The following NXN variants were observed in gnomAD, a reference collection of about 807,000 sequenced individuals.
The protein encoded by NXN is nucleoredoxin, also known as nucleoredoxin 1.
In NXN, 16 loss-of-function variants were observed where a neutral mutation model predicts 48.6. The ratio of observed to expected loss-of-function variants is 0.33; its 90% CI spans 0.22 to 0.50. NXN has a LOEUF of 0.50. Among genes scored for constraint, NXN ranks in the 20% least tolerant of loss-of-function variants. The pLI is 0.98. For missense variants in NXN, 492 were observed against 605.5 expected (o/e 0.81, Z 1.97); for synonymous variants, 281 against 269.6 (o/e 1.04, Z -0.41).
chr17:896,092 T>C (rs1389530789), intron 1 of NXN, among the ~76,000 whole-genome samples: 2 of 150,866 alleles, frequency 1.3e-5, no homozygotes, highest in Non-Finnish European at 3.0e-5. Flanking sequence ...GTAATCCCAG[T>C]ACTTTGGGAG....
intron 5 of NXN, among the ~76,000 whole-genome samples, chr17:806,770 C>T (rs1395812148): frequency 6.6e-6 from 1 of 152,156 alleles, no homozygotes; most frequent in Non-Finnish European, 1.5e-5. Flanking sequence ...CCTGCTGCGG[C>T]CACCAGCACC....
In NXN at chr17:823,725, G is replaced by A; in HGVS notation, c.519C>T (p.Val173=). The A allele has an allele frequency of 2.5e-6, 4 of 1,614,160 alleles. No individual in the cohort carries two copies. The highest frequency in any genetic ancestry group is 3.4e-6 in the Non-Finnish European group (4 of 1,180,024). The change falls in exon 3 of 8, where the codon GTC becomes GTT. Residue 173 remains valine (V), a synonymous_variant. Transcript: ENST00000336868. ...TGTTTCTAAGCAAGGGCCCTGCAAT[G>A]ACTTCCCTGAAGGGTTTCGGTCCCC... ...FPWGPKPFRE[V]IAGPLLRNNG... is the part of the protein sequence containing the mutation.
chr17:881,754 T>C (rs1172734393), intron 1 of NXN, among the ~76,000 whole-genome samples: 12 of 152,182 alleles, frequency 7.9e-5, no homozygotes, highest in Admixed American at 7.9e-4. Flanking sequence ...GACAAGATGC[T>C]CGTCCAATGG....
At chr17:807,944 C>T (rs1032711117) in intron 5 of NXN, among the ~76,000 whole-genome samples, 67 of 152,192 alleles carry the variant, frequency 4.4e-4, no homozygotes, top group African/African-American at 1.5e-3. Context: ...CGGGCAGCAT[C>T]AGGATCCCCC....
chr17:860,229 T>G (rs1264186130), intron 1 of NXN, among the ~76,000 whole-genome samples: 1 of 152,280 alleles, frequency 6.6e-6, no homozygotes, highest in Non-Finnish European at 1.5e-5. Flanking sequence ...GTTCAAGTGA[T>G]TCTCCTGCCT....
At chr17:891,859 A>T (rs1454904707) in intron 1 of NXN, among the ~76,000 whole-genome samples, 13,475 of 130,560 alleles carry the variant, frequency 0.1, 9 homozygotes, top group Non-Finnish European at 0.12. Context: ...GTACAGCCCA[A>T]CAGGGAACCT....
At chr17:959,232 C>T (rs910172453) in intron 1 of NXN, 33 of 975,560 alleles carry the variant, frequency 3.4e-5, no homozygotes, top group Middle Eastern at 7.8e-4. Context: ...CCTGCAGATA[C>T]CCCAGCTCCC....
intron 3 of NXN, among the ~76,000 whole-genome samples, chr17:823,273 C>A (rs1275846508): frequency 6.6e-6 from 1 of 151,904 alleles, no homozygotes; most frequent in Non-Finnish European, 1.5e-5. Context: ...GTGGCATGCA[C>A]CTGTAATCCC....
chr17:923,969 AGAAAG>A (rs1362499883), intron 1 of NXN, among the ~76,000 whole-genome samples: 6 of 152,232 alleles, frequency 3.9e-5, no homozygotes, highest in Non-Finnish European at 8.8e-5. Flanking sequence ...ATTTTACAGA[AGAAAG>A]GAAAGATATA....
rs1344897662 is a variant in NXN at position 810,161 on chromosome 17, CGTTACGAGTCTGTGACTGGCGTGCAT to C, written c.821-4940_821-4915del. ...GTTACGAGTCTGTGACTGGCGTGCA[CGTTACGAGTCTGTGACTGGCGTGCAT>C]GTTACGAGTCTGTGAGTGGCGTGCA... is the stretch of plus-strand genomic sequence containing the variant. On this transcript the variant is annotated intron_variant, in intron 5 of 7. Coordinates refer to ENST00000336868, the MANE Select transcript of NXN (RefSeq NM_022463.5). Among the ~76,000 whole-genome samples the C allele has an allele frequency of 4.4e-3, 453 of 102,142 alleles. 22 individuals are homozygous for C. The highest frequency in any genetic ancestry group is 0.013 in the African/African-American group (316 of 25,198). 67.0% of individuals were successfully genotyped at this position (102,142 alleles called of 152,430 possible).
chr17:913,716 C>T (rs1173014963), intron 1 of NXN, among the ~76,000 whole-genome samples: 1 of 152,086 alleles, frequency 6.6e-6, no homozygotes, highest in East Asian at 1.9e-4. Flanking sequence ...TGACTTTTCT[C>T]TCCTGGCACC....
intron 1 of NXN, among the ~76,000 whole-genome samples, chr17:878,584 GAGGGCTGGCCCATAGGGC>G (rs2068247126): frequency 6.6e-6 from 1 of 151,852 alleles, no homozygotes; most frequent in Non-Finnish European, 1.5e-5. Context: ...CACCCGTAAT[GAGGGCTGGCCCATAGGGC>G]AGTGACGTGA....
chr17:934,131 G>A (rs745952567), intron 1 of NXN, among the ~76,000 whole-genome samples: 13 of 152,198 alleles, frequency 8.5e-5, no homozygotes, highest in East Asian at 7.7e-4. Context: ...GCCAGGCGCC[G>A]TGGCTCACGT....
intron 1 of NXN, among the ~76,000 whole-genome samples, chr17:938,798 G>A (rs982258378): frequency 1.3e-5 from 2 of 152,172 alleles, no homozygotes; most frequent in African/African-American, 2.4e-5. Flanking sequence ...GGTGGCTCAT[G>A]CCTGTAATCC....
intron 1 of NXN, among the ~76,000 whole-genome samples, chr17:973,152 G>C (rs533916166): frequency 6.6e-6 from 1 of 152,156 alleles, no homozygotes. Flanking sequence ...AGCTGTGGAC[G>C]GCTACTCAGA....
In NXN at chr17:895,640, G is replaced by A. The variant is rs1009655287; in HGVS notation, c.361-69562C>T. Among the ~76,000 whole-genome samples, 76 of 105,790 alleles carry A rather than the reference G, an allele frequency of 7.2e-4. 1 individual carries two copies. The highest frequency in any genetic ancestry group is 5.9e-3 in the Middle Eastern group (1 of 170). The allele number at this position is 105,790 out of a possible 152,430, so 69.4% of individuals were successfully genotyped here. A position where few individuals can be genotyped will look rare whatever the true frequency, so the allele number is the denominator to read the frequency against. On this transcript the variant is annotated intron_variant, in intron 1 of 7. Transcript: ENST00000336868. ...ATCCTGGCTAACACGGTGAAACCCC[G>A]TCTCTACTTAAAATACAAAAAAAAA...
chr17:842,750 C>A (rs1026938492), intron 1 of NXN, among the ~76,000 whole-genome samples: 4 of 152,058 alleles, frequency 2.6e-5, no homozygotes, highest in Non-Finnish European at 5.9e-5. Context: ...CCAGCCCAGC[C>A]AATATGGTGA....
At chr17:897,434 G>A (rs1052094531) in intron 1 of NXN, among the ~76,000 whole-genome samples, 1 of 152,218 alleles carries the variant, frequency 6.6e-6, no homozygotes, top group African/African-American at 2.4e-5. Flanking sequence ...GTTCTAGGGT[G>A]GGGTGCATCC....
intron 5 of NXN, among the ~76,000 whole-genome samples, chr17:806,477 C>G (rs888496389): frequency 9.9e-5 from 15 of 152,050 alleles, no homozygotes; most frequent in Non-Finnish European, 1.9e-4. Flanking sequence ...TCTTTTTACC[C>G]CACTCCCCGC....
Sources: gnomAD v4.1 joint callset for allele counts (sites outside exome capture counted in the v4.1 genomes callset) on GRCh38, gnomAD v4.1.1 for gene constraint, MANE v1.5 for transcripts, NCBI Gene and HGNC (gene_info 2026-07-23, HGNC 2026-07-21) for gene names.